Variants in MRPS25 observed in about 807,000 individuals in gnomAD.
MRPS25 encodes small ribosomal subunit protein mS25.
MRPS25 carries 15 observed loss-of-function variants against 17.3 expected under a neutral mutation model. That is an observed-to-expected ratio of 0.87 (90% confidence interval 0.58 to 1.34). The LOEUF (loss-of-function observed/expected upper bound fraction) is 1.34, where lower values mean the gene tolerates loss of function less well. MRPS25 is among the 40% of genes most tolerant of loss of function. MRPS25 has a pLI of 0.00. For missense variants in MRPS25, 225 were observed against 218.6 expected, an observed-to-expected ratio of 1.03 and a Z score of -0.19; for synonymous variants, 94 against 83.3, an observed-to-expected ratio of 1.13 and a Z score of -0.70.
chr3:15,042,966 G>C (rs2042321875), downstream of MRPS25: 1 of 1,614,222 alleles, frequency 6.2e-7, no homozygotes, highest in South Asian at 1.1e-5. Flanking sequence ...TCAAGATGGA[G>C]ACAGCAGAGT....
chr3:15,051,781 G>C lies in MRPS25; in HGVS notation c.*660C>G. The C allele has an allele frequency of 1.0e-6, 1 of 985,430 alleles. No individual in the cohort carries two copies. The highest frequency in any genetic ancestry group is 1.2e-6 in the Non-Finnish European group (1 of 829,986). 61.0% of individuals were successfully genotyped at this position (985,430 alleles called of 1,614,324 possible). A position where few individuals can be genotyped will look rare whatever the true frequency, so the allele number is the denominator to read the frequency against. Reference sequence around the variant, plus strand: ...TCCCTGCTAATGCACACAGTGGCTGGGCCATGGGTTGGCAGTGGCTGACTG... The same window carrying C: ...TCCCTGCTAATGCACACAGTGGCTGCGCCATGGGTTGGCAGTGGCTGACTG... On this transcript the variant is annotated 3_prime_UTR_variant, in exon 4 of 4. Transcript: ENST00000253686.
At chr3:15,044,904 A>G (rs1220550301), downstream of MRPS25, 2 of 152,242 alleles carry the variant, frequency 1.3e-5, no homozygotes, top group African/African-American at 2.4e-5. Flanking sequence ...TCCAACTTCT[A>G]AATTCTTGTT....
chr3:15,060,575 A>G (rs2042738877), intron 1 of MRPS25, among the ~76,000 whole-genome samples: 1 of 151,168 alleles, frequency 6.6e-6, no homozygotes, highest in Admixed American at 6.6e-5. Flanking sequence ...CTATATGGGT[A>G]TAAGACTCAA....
downstream of MRPS25, chr3:15,042,369 C>A (rs1225951111): frequency 6.6e-6 from 1 of 152,650 alleles, no homozygotes; most frequent in East Asian, 1.9e-4. Context: ...GCGTGGTGAA[C>A]ATTTTCCCAA....
chr3:15,053,665 T>C (rs1407974867), intron 2 of MRPS25, 198 bp from the exon 3 acceptor site: 1 of 649,270 alleles, frequency 1.5e-6, no homozygotes, highest in African/African-American at 1.8e-5. Flanking sequence ...ACTTTAGATA[T>C]GTAAAAAAAC....
chr3:15,044,632 G>T (rs1423143139), downstream of MRPS25: 1 of 152,224 alleles, frequency 6.6e-6, no homozygotes, highest in Non-Finnish European at 1.5e-5. Flanking sequence ...GGTTAAATTT[G>T]CCTCTCTTGA....
chr3:15,064,169 C>T (rs1047721428), intron 1 of MRPS25, among the ~76,000 whole-genome samples: 3 of 152,194 alleles, frequency 2.0e-5, no homozygotes, highest in African/African-American at 4.8e-5. Flanking sequence ...TTTCTGCGGG[C>T]TAAGGCTGCC....
chr3:15,044,761 A>C (rs2125112384), downstream of MRPS25: 2 of 152,404 alleles, frequency 1.3e-5, no homozygotes, highest in South Asian at 4.1e-4. Context: ...GGCCAGCTAC[A>C]GACGCCCCTG....
downstream of MRPS25, chr3:15,044,316 C>T (rs2042375876): frequency 6.6e-6 from 1 of 152,118 alleles, no homozygotes; most frequent in Admixed American, 6.5e-5. Context: ...ACTTTGGTTC[C>T]CCCAGGTGTG....
chr3:15,059,223 G>A (rs567472895), intron 2 of MRPS25, 146 bp downstream of exon 2: 22 of 626,346 alleles, frequency 3.5e-5, no homozygotes, highest in African/African-American at 1.3e-4. Flanking sequence ...TGAGTGCCTC[G>A]GTATGGGGAA....
rs2042565418 is a variant in MRPS25, at chr3:15,049,378, G to C, written c.*3063C>G. 1 of 155,964 alleles carries C rather than the reference G, an allele frequency of 6.4e-6. No homozygotes were observed. Among genetic ancestry groups the C allele is most frequent in the African/African-American group, 2.4e-5 (1 of 41,478 alleles). The allele number at this position is 155,964 out of a possible 1,614,324, so 9.7% of individuals were successfully genotyped here. Reference sequence around the variant, plus strand: ...GGACATGAAGCATCCTGGTGGTCCTGTCTCTACAGCTCTCTGGCTCCTACC... The same window carrying C: ...GGACATGAAGCATCCTGGTGGTCCTCTCTCTACAGCTCTCTGGCTCCTACC... On this transcript the variant is annotated 3_prime_UTR_variant, in exon 4 of 4. Coordinates refer to ENST00000253686, the MANE Select transcript of MRPS25 (RefSeq NM_022497.5).
rs766221091 is a variant in MRPS25, at chr3:15,065,211, G to T, written c.-17C>A. 9 of 1,576,238 alleles carry T rather than the reference G, an allele frequency of 5.7e-6. No homozygotes were observed. In the Admixed American group the frequency reaches 1.6e-4, roughly 29 times the overall value. The stretch of plus-strand genomic sequence containing the variant: ...CATGGGCATGGCGGCAACGGTGGCG[G>T]GGCCGACCCCACGGGCCGCGAGCCG... On this transcript the variant is annotated 5_prime_UTR_variant, in exon 1 of 4. Coordinates refer to ENST00000253686, the MANE Select transcript of MRPS25 (RefSeq NM_022497.5).
Position 15,065,090 on chromosome 3 carries a change from G to T in MRPS25, c.105C>A (p.Asn35Lys). The change falls in exon 1 of 4, where the codon AAC (asparagine) becomes AAA (lysine). Residue 35 changes from asparagine to lysine, a missense_variant. Asn to Lys is a moderately conservative substitution (Grantham distance 94, BLOSUM62 0). Coordinates refer to ENST00000253686, the MANE Select transcript of MRPS25 (RefSeq NM_022497.5). ...DSVKVMTVNY[N>K]THGELGEGAR... ...CGCCCTCGCCCAGCTCCCCATGCGT[G>T]TTGTAATTCACTGTCATGACCTTCA... 6.2e-7 allele frequency: 1 copy of T among 1,606,194 alleles called. No homozygotes were observed.
chr3:15,049,944 GAAGAA>G lies in MRPS25; in HGVS notation c.*2492_*2496del. The G allele has an allele frequency of 6.5e-7, 1 of 1,530,036 alleles. No individual in the cohort carries two copies. The highest frequency in any genetic ancestry group is 1.2e-5 in the South Asian group (1 of 82,694). 94.8% of individuals were successfully genotyped at this position (1,530,036 alleles called of 1,614,324 possible). On this transcript the variant is annotated 3_prime_UTR_variant, in exon 4 of 4. Coordinates refer to ENST00000253686, the MANE Select transcript of MRPS25 (RefSeq NM_022497.5). ...GTGCTGCCAGGTAGTGCCTCAAAGA[GAAGAA>G]AAGTGGTCACTTCAGAATAAGGCTG...
In MRPS25 at chr3:15,050,877, C is replaced by A. The variant is rs1441813930; in HGVS notation, c.*1564G>T. The A allele has an allele frequency of 5.1e-6, 5 of 985,248 alleles. No homozygotes were observed. The highest frequency in any genetic ancestry group is 4.8e-6 in the Non-Finnish European group (4 of 829,922). The allele number at this position is 985,248 out of a possible 1,614,324, so 61.0% of individuals were successfully genotyped here. ...TCTGCTCAATTTAATGTGATAATCTCCAACAGTTAATGAAACACATCGTAG... is the reference window on the plus strand; with the variant it reads ...TCTGCTCAATTTAATGTGATAATCTACAACAGTTAATGAAACACATCGTAG... On this transcript the variant is annotated 3_prime_UTR_variant, in exon 4 of 4. Transcript: ENST00000253686.
intron 2 of MRPS25, among the ~76,000 whole-genome samples, chr3:15,056,016 A>G (rs1380939566): frequency 6.6e-6 from 1 of 151,930 alleles, no homozygotes; most frequent in Non-Finnish European, 1.5e-5. Context: ...GATCGAGACC[A>G]TCCTGGCTAA....
intron 2 of MRPS25, among the ~76,000 whole-genome samples, chr3:15,057,301 C>T (rs954902983): frequency 2.6e-5 from 4 of 152,210 alleles, no homozygotes; most frequent in African/African-American, 7.2e-5. Flanking sequence ...CTTCCCTGCC[C>T]GGCCTCCTCA....
chr3:15,062,934 C>T (rs1337601408), intron 1 of MRPS25, among the ~76,000 whole-genome samples: 1 of 151,950 alleles, frequency 6.6e-6, no homozygotes, highest in Non-Finnish European at 1.5e-5. Flanking sequence ...AACACTCTGC[C>T]TAGGAAAACC....
chr3:15,064,852 C>G lies in MRPS25; in HGVS notation c.134+209G>C, dbSNP rs1333318089. Among the ~76,000 whole-genome samples, 4 of 152,350 alleles carry G rather than the reference C, an allele frequency of 2.6e-5. No individual in the cohort carries two copies. The South Asian group carries it at 8.3e-4, about 32-fold the overall frequency. On this transcript the variant is annotated intron_variant, in intron 1 of 3. Transcript: ENST00000253686. ...GAGTGGGGTTCTTGTCCTCCGCCCC[C>G]CAAACCTCGTCACGACTGCAGCCGG...
Sources: gnomAD v4.1 joint callset for allele counts (sites outside exome capture counted in the v4.1 genomes callset) on GRCh38, gnomAD v4.1.1 for gene constraint, MANE v1.5 for transcripts, NCBI Gene and HGNC (gene_info 2026-07-23, HGNC 2026-07-21) for gene names.